Variants in FSCN2 observed in about 807,000 individuals in gnomAD.
FSCN2 encodes the protein fascin actin-bundling protein 2, retinal.
Under a neutral mutation model 37.8 loss-of-function variants are expected in FSCN2, and 46 were observed. The observed-to-expected ratio is 1.22, with a 90% CI of 0.96 to 1.56. The LOEUF (loss-of-function observed/expected upper bound fraction) is 1.56, where lower values mean the gene tolerates loss of function less well. Ranked by LOEUF, FSCN2 falls within the 40% of genes most tolerant of loss-of-function variation. The pLI is 0.00. For missense variants in FSCN2, 844 were observed against 730.4 expected, an observed-to-expected ratio of 1.16 and a Z score of -1.79; for synonymous variants, 351 against 309.4, an observed-to-expected ratio of 1.13 and a Z score of -1.41.
At chr17:81,532,067 AGTGATG>A (rs2032668085) in intron 1 of FSCN2, among the ~76,000 whole-genome samples, 1 of 37,414 alleles carries the variant, frequency 2.7e-5, no homozygotes, top group Non-Finnish European at 5.3e-5. Flanking sequence ...TGGTGATGAT[AGTGATG>A]GTGGTGATGG....
At chr17:81,522,170 C>T in the FSCN2 span, among the ~76,000 whole-genome samples, 5 of 152,234 alleles carry the variant, frequency 3.3e-5, no homozygotes, top group Non-Finnish European at 1.5e-5. Flanking sequence ...CCACACCCAG[C>T]TATTTGTTGT....
chr17:81,526,313 C>T (rs7221858), upstream of FSCN2, among the ~76,000 whole-genome samples: 12,679 of 152,274 alleles, frequency 0.083, 1,550 homozygotes, highest in African/African-American at 0.26. Context: ...CCACCGCTCA[C>T]GGACCAACCG....
chr17:81,520,489 G>T, the FSCN2 span, among the ~76,000 whole-genome samples: 2 of 152,244 alleles, frequency 1.3e-5, no homozygotes, highest in Non-Finnish European at 2.9e-5. Flanking sequence ...CCAGTCCTTA[G>T]GACAAGGCAT....
At position 81,532,245 on chromosome 17, in the gene FSCN2, ATGG is replaced by A. The variant is rs1446878349; in HGVS notation, c.827-2804_827-2802del. ...GATGATGATAATGGTGATGATGGTG[ATGG>A]TGATGATGATGATGATAGTGATGGT... is the stretch of plus-strand genomic sequence containing the variant. On this transcript the variant is annotated intron_variant, in intron 1 of 4. Coordinates refer to ENST00000417245, the MANE Select transcript of FSCN2 (RefSeq NM_012418.4). Among the ~76,000 whole-genome samples, 7 of 139,012 alleles carry A rather than the reference ATGG, an allele frequency of 5.0e-5. 1 individual carries two copies. The highest frequency in any genetic ancestry group is 6.2e-5 in the Non-Finnish European group (4 of 64,800). The allele number at this position is 139,012 out of a possible 152,430, so 91.2% of individuals were successfully genotyped here.
chr17:81,525,609 C>T (rs1485842344), upstream of FSCN2, among the ~76,000 whole-genome samples: 1 of 151,712 alleles, frequency 6.6e-6, no homozygotes, highest in Admixed American at 6.6e-5. Context: ...CCTGTAATCC[C>T]AGCAACTCGG....
Position 81,537,076 on chromosome 17 carries a change from A to T in FSCN2, c.1475A>T (p.Tyr492Phe). 4 of 1,444,410 alleles carry T rather than the reference A, an allele frequency of 2.8e-6. No individual in the cohort carries two copies. The highest frequency in any genetic ancestry group is 3.6e-6 in the Non-Finnish European group (4 of 1,105,364). 89.5% of individuals were successfully genotyped at this position (1,444,410 alleles called of 1,614,324 possible). Reference sequence around the variant, plus strand: ...CCGGCCGGGACCGCGCTTTGGGAGTACTGAGGCCGCGCCCAGACCAGCCTG... The same window carrying T: ...CCGGCCGGGACCGCGCTTTGGGAGTTCTGAGGCCGCGCCCAGACCAGCCTG... The part of the protein sequence containing the change: ...DAPAGTALWE[Y>F] The change falls in exon 5 of 5, where the codon TAC becomes TTC. Residue 492 changes from tyrosine (Y) to phenylalanine (F), a missense_variant. Transcript: ENST00000417245.
intron 1 of FSCN2, chr17:81,530,244 C>T (rs2032505870): frequency 3.6e-6 from 1 of 276,512 alleles, no homozygotes; most frequent in Non-Finnish European, 7.1e-6. Flanking sequence ...GGCTTAAGGT[C>T]AGCTCCAGTG....
At chr17:81,522,407 G>A in the FSCN2 span, among the ~76,000 whole-genome samples, 43,720 of 152,172 alleles carry the variant, frequency 0.29, 7,201 homozygotes, top group East Asian at 0.78. Context: ...GCTGAGTGGC[G>A]TGGCGTTGTC....
In FSCN2 at chr17:81,529,078, C is replaced by G. The variant is rs782118960; in HGVS notation, c.547C>G (p.Arg183Gly). Residue 183 changes from arginine (R) to glycine (G), a missense_variant, in exon 1 of 5, where the codon CGG (arginine) becomes GGG (glycine). Coordinates refer to ENST00000417245, the MANE Select transcript of FSCN2 (RefSeq NM_012418.4). ...ALLTLIFRSR[R>G]YCLKSCDSRY... Reference sequence around the variant, plus strand: ...CCTCACCCTCATCTTCCGGAGCCGACGGTACTGCCTCAAGTCCTGTGACAG... The same window carrying G: ...CCTCACCCTCATCTTCCGGAGCCGAGGGTACTGCCTCAAGTCCTGTGACAG... 2 of 1,590,334 alleles carry G rather than the reference C, an allele frequency of 1.3e-6. No homozygotes were observed. Among genetic ancestry groups the G allele is most frequent in the Non-Finnish European group, 1.7e-6 (2 of 1,170,766 alleles).
the FSCN2 span, among the ~76,000 whole-genome samples, chr17:81,522,671 A>C: frequency 6.6e-6 from 1 of 152,310 alleles, no homozygotes; most frequent in East Asian, 1.9e-4. Flanking sequence ...GTGTGTGTGT[A>C]GATGCAGGTT....
At chr17:81,532,403 A>AGTGATGGTGATG (rs1318880343) in intron 1 of FSCN2, among the ~76,000 whole-genome samples, 1 of 52,036 alleles carries the variant, frequency 1.9e-5, no homozygotes, top group African/African-American at 6.7e-5. Flanking sequence ...TGGTGATGAT[A>AGTGATGGTGATG]GTGATGGTGA....
the FSCN2 span, among the ~76,000 whole-genome samples, chr17:81,518,804 A>AGG: frequency 6.6e-6 from 1 of 152,152 alleles, no homozygotes; most frequent in Non-Finnish European, 1.5e-5. Flanking sequence ...TCTCCACTCG[A>AGG]GGGACGGCTG....
At chr17:81,534,900 G>A (rs2032798659) in intron 1 of FSCN2, among the ~76,000 whole-genome samples, 152 bp from the exon 2 acceptor site, 1 of 151,676 alleles carries the variant, frequency 6.6e-6, no homozygotes, top group Non-Finnish European at 1.5e-5. Context: ...GGGTTCCCAG[G>A]GTCTCTGAGA....
chr17:81,527,044 CCT>C (rs1318850361), upstream of FSCN2: 3 of 152,196 alleles, frequency 2.0e-5, no homozygotes, highest in South Asian at 2.1e-4. Flanking sequence ...TTTTTCCTCC[CCT>C]GTGTCTGCAG....
At chr17:81,524,155 C>T (rs782086341), upstream of FSCN2, among the ~76,000 whole-genome samples, 1 of 152,234 alleles carries the variant, frequency 6.6e-6, no homozygotes, top group Non-Finnish European at 1.5e-5. Context: ...AGGGTGGACA[C>T]CAGGTGCCGG....
chr17:81,536,471 C>A, intron 3 of FSCN2, 151 bp from the exon 4 acceptor site: 3 of 1,510,556 alleles, frequency 2.0e-6, no homozygotes, highest in Non-Finnish European at 2.7e-6. Context: ...CTGCTGGGAA[C>A]CCCCTAGGCG....
In FSCN2 at chr17:81,532,161, ATGGTGATGGTGG is replaced by A. The variant is rs1310608016; in HGVS notation, c.826+2834_826+2845del. On this transcript the variant is annotated intron_variant, in intron 1 of 4. Coordinates refer to ENST00000417245, the MANE Select transcript of FSCN2 (RefSeq NM_012418.4). ...GGTGATGATGGTGATGGTGATGATG[ATGGTGATGGTGG>A]TGGTGATGGTGGTGGTGATGGTGGT... is the stretch of plus-strand genomic sequence containing the variant. 7.4e-3 allele frequency among the ~76,000 whole-genome samples: 537 copies of A among 72,130 alleles called. 5 individuals are homozygous for A. The highest frequency in any genetic ancestry group is 0.015 in the Admixed American group (114 of 7,776). The allele number at this position is 72,130 out of a possible 152,430, so 47.3% of individuals were successfully genotyped here. A position where few individuals can be genotyped will look rare whatever the true frequency, so the allele number is the denominator to read the frequency against.
chr17:81,531,621 ATGGTGGTGGTGATGGTGG>A (rs1280335929), intron 1 of FSCN2, among the ~76,000 whole-genome samples: 42 of 97,016 alleles, frequency 4.3e-4, no homozygotes, highest in South Asian at 2.0e-3. Context: ...GATGATGGTG[ATGGTGGTGGTGATGGTGG>A]TGGTGGTGAT....
upstream of FSCN2, among the ~76,000 whole-genome samples, chr17:81,524,501 G>A (rs2032290271): frequency 6.6e-6 from 1 of 152,228 alleles, no homozygotes; most frequent in Non-Finnish European, 1.5e-5. Context: ...CCTCAGTGTG[G>A]CAGCGCCTTT....
Sources: gnomAD v4.1 joint callset for allele counts (sites outside exome capture counted in the v4.1 genomes callset) on GRCh38, gnomAD v4.1.1 for gene constraint, MANE v1.5 for transcripts, NCBI Gene and HGNC (gene_info 2026-07-23, HGNC 2026-07-21) for gene names.